AP1M2: variants seen among roughly 807,000 people sequenced by gnomAD.
The protein encoded by AP1M2 is adaptor related protein complex 1 subunit mu 2, also known as AP-1 complex subunit mu-2.
AP1M2 carries 41 observed loss-of-function variants against 54.6 expected under a neutral mutation model. That is an observed-to-expected ratio of 0.75 (90% confidence interval 0.59 to 0.97). The LOEUF (loss-of-function observed/expected upper bound fraction) is 0.97, where lower values mean the gene tolerates loss of function less well. AP1M2 is among the 50% of genes least tolerant of loss of function. AP1M2 has a pLI of 0.00. For synonymous variants in AP1M2, 219 were observed against 215.9 expected (o/e 1.01, Z -0.13); for missense variants, 507 against 561.2 (o/e 0.90, Z 0.98).
chr19:10,581,137 G>T, intron 6 of AP1M2, 129 bp downstream of exon 6: 1 of 1,334,616 alleles, frequency 7.5e-7, no homozygotes. Flanking sequence ...CTGCAATACT[G>T]GCCGTGATCA....
intron 7 of AP1M2, among the ~76,000 whole-genome samples, chr19:10,579,420 A>T (rs1212713677): frequency 1.3e-5 from 2 of 152,094 alleles, no homozygotes; most frequent in African/African-American, 2.4e-5. Context: ...CGTCTCAAAA[A>T]AATAATAATA....
In AP1M2 at chr19:10,581,869, C is replaced by T. The variant is rs772650211; in HGVS notation, c.277G>A (p.Glu93Lys). 1.9e-5 allele frequency: 31 copies of T among 1,610,944 alleles called. No homozygotes were observed. Among genetic ancestry groups the T allele is most frequent in the Non-Finnish European group, 2.5e-5 (29 of 1,178,756 alleles). ...FLYKTIEVFC[E>K]YFKELEEESI... ...TCCTCCTCCAGCTCCTTGAAGTATTCGCAGAATACCTGGGGGTTGGAGGAG... is the reference window on the plus strand; with the variant it reads ...TCCTCCTCCAGCTCCTTGAAGTATTTGCAGAATACCTGGGGGTTGGAGGAG... The change falls in exon 4 of 12, where the codon GAA (glutamate) becomes AAA (lysine). Residue 93 changes from glutamate (E) to lysine (K), a missense_variant. By Grantham distance (56) the Glu-to-Lys change is moderately conservative. Coordinates refer to ENST00000250244, the MANE Select transcript of AP1M2 (RefSeq NM_005498.5).
At chr19:10,585,303 G>GAAAGAA in intron 1 of AP1M2, among the ~76,000 whole-genome samples, 2 of 142,430 alleles carry the variant, frequency 1.4e-5, no homozygotes, top group Non-Finnish European at 3.1e-5. Context: ...AAGAAAGAAA[G>GAAAGAA]AAAGAAAGAA....
At chr19:10,573,536 G>A (rs1917125762) in intron 11 of AP1M2, among the ~76,000 whole-genome samples, 1 of 151,942 alleles carries the variant, frequency 6.6e-6, no homozygotes, top group Non-Finnish European at 1.5e-5. Flanking sequence ...CTAAACACAG[G>A]TACTGTAACC....
intron 3 of AP1M2, among the ~76,000 whole-genome samples, 197 bp from the exon 4 acceptor site, chr19:10,582,075 G>T (rs1475686222): frequency 6.6e-6 from 1 of 151,180 alleles, no homozygotes; most frequent in Non-Finnish European, 1.5e-5. Context: ...AGACAGTCTC[G>T]CACTGTCACC....
rs1176313174 is a variant in AP1M2 at position 10,577,252 on chromosome 19, G to A, written c.993C>T (p.Ser331=). The change falls in exon 9 of 12, where the codon AGC becomes AGT. Residue 331 remains serine (S), a synonymous_variant. Transcript: ENST00000250244. ...CGTTTCTCTCCGGCACATACTTGGCGCTGCCCACACTGGTCTTGAATCTGG... is the reference window on the plus strand; with the variant it reads ...CGTTTCTCTCCGGCACATACTTGGCACTGCCCACACTGGTCTTGAATCTGG... ...DSPRFKTSVG[S]AKYVPERNVV... 2 of 1,613,200 alleles carry A rather than the reference G, an allele frequency of 1.2e-6. No homozygotes were observed. Among genetic ancestry groups the A allele is most frequent in the African/African-American group, 1.3e-5 (1 of 74,936 alleles).
intron 7 of AP1M2, among the ~76,000 whole-genome samples, chr19:10,579,191 C>T (rs184478755): frequency 0.011 from 1,723 of 151,764 alleles, 11 homozygotes; most frequent in Non-Finnish European, 0.02. Flanking sequence ...CCAAGGTGGG[C>T]GGATCACGAG....
chr19:10,573,207 T>C (rs1389761392), intron 11 of AP1M2, 119 bp from the exon 12 acceptor site: 2 of 937,246 alleles, frequency 2.1e-6, no homozygotes, highest in Non-Finnish European at 3.3e-6. Context: ...TCACTTGAGG[T>C]CAGGGGTTCG....
chr19:10,587,185 C>T lies in AP1M2; in HGVS notation c.42+5G>A. On this transcript the variant is annotated splice_donor_5th_base_variant and intron_variant, in intron 1 of 11. Coordinates refer to ENST00000250244, the MANE Select transcript of AP1M2 (RefSeq NM_005498.5). Reference sequence around the variant, plus strand: ...CGTCTCCCAACTCCTCATGCCCAGCCTCACCTTGCCCTTAACGTCCAGAAT... The same window carrying T: ...CGTCTCCCAACTCCTCATGCCCAGCTTCACCTTGCCCTTAACGTCCAGAAT... The T allele has an allele frequency of 6.4e-7, 1 of 1,556,548 alleles. No homozygotes were observed. Among genetic ancestry groups the T allele is most frequent in the Non-Finnish European group, 8.7e-7 (1 of 1,149,926 alleles).
chr19:10,578,999 C>A, intron 7 of AP1M2, 36 bp from the exon 8 acceptor site: 1 of 1,352,062 alleles, frequency 7.4e-7, no homozygotes, highest in Non-Finnish European at 1.0e-6. Context: ...CTTGGAGACT[C>A]CATGTTGACT....
In AP1M2 at chr19:10,578,981, GGAGA is replaced by G; in HGVS notation, c.817-22_817-19del. The G allele has an allele frequency of 1.3e-6, 2 of 1,579,866 alleles. No individual in the cohort carries two copies. The highest frequency in any genetic ancestry group is 1.7e-6 in the Non-Finnish European group (2 of 1,158,664). On this transcript the variant is annotated intron_variant, in intron 7 of 11. Transcript: ENST00000250244. Reference sequence around the variant, plus strand: ...GGCTTGACCTGTGGGAAGAAGAAGGGGAGAGTTCTTGGAGACTCCATGTTGACTC... The same window carrying G: ...GGCTTGACCTGTGGGAAGAAGAAGGGGTTCTTGGAGACTCCATGTTGACTC...
intron 3 of AP1M2, among the ~76,000 whole-genome samples, chr19:10,582,672 C>G (rs1391260553): frequency 6.6e-6 from 1 of 151,046 alleles, no homozygotes; most frequent in Non-Finnish European, 1.5e-5. Flanking sequence ...CACTTGAACC[C>G]AGGAGGTAGA....
chr19:10,583,764 C>G, intron 2 of AP1M2, 91 bp from the exon 3 acceptor site: 1 of 1,496,770 alleles, frequency 6.7e-7, no homozygotes, highest in African/African-American at 1.4e-5. Flanking sequence ...TTGCCACCAC[C>G]CTCATCTCTA....
Position 10,572,764 on chromosome 19 carries a change from C to G in AP1M2, c.*302G>C. ...CTGTGAAGGAGGGACCCGCAACACC[C>G]GCTAAGGCAGGTAATTGCAAGAAGG... On this transcript the variant is annotated 3_prime_UTR_variant, in exon 12 of 12. Transcript: ENST00000250244. 5.9e-6 allele frequency: 2 copies of G among 339,912 alleles called. No individual in the cohort carries two copies. Among genetic ancestry groups the G allele is most frequent in the South Asian group, 9.5e-5 (2 of 20,988 alleles). 21.1% of individuals were successfully genotyped at this position (339,912 alleles called of 1,614,324 possible). A position where few individuals can be genotyped will look rare whatever the true frequency, so the allele number is the denominator to read the frequency against.
At chr19:10,586,468 A>T (rs955443673) in intron 1 of AP1M2, among the ~76,000 whole-genome samples, 5 of 150,594 alleles carry the variant, frequency 3.3e-5, no homozygotes, top group Non-Finnish European at 5.9e-5. Context: ...AAAAAAAAAA[A>T]AAAAAATTAA....
At chr19:10,580,224 T>C (rs978321691) in intron 6 of AP1M2, among the ~76,000 whole-genome samples, 5 of 152,062 alleles carry the variant, frequency 3.3e-5, no homozygotes, top group African/African-American at 9.7e-5. Context: ...GCTAATTTTG[T>C]ATTTTTAGTA....
In AP1M2 at chr19:10,581,483, T is replaced by TCA. The variant is rs1917456025; in HGVS notation, c.546+2_546+3dup. ...AGGGGTGCCGGGGAGGTGTGCAGGC[T>TCA]CACCAGCAGGTTGACAGACTCTATG... On this transcript the variant is annotated splice_donor_region_variant and intron_variant, in intron 5 of 11. Transcript: ENST00000250244. 3.7e-6 allele frequency: 6 copies of TCA among 1,613,738 alleles called. No individual in the cohort carries two copies. Among genetic ancestry groups the TCA allele is most frequent in the Non-Finnish European group, 4.2e-6 (5 of 1,179,696 alleles).
At position 10,574,930 on chromosome 19, in the gene AP1M2, G is replaced by A. The variant is rs1334733126; in HGVS notation, c.1147C>T (p.Pro383Ser). Residue 383 changes from proline (P) to serine (S), a missense_variant, in exon 10 of 12, where the codon CCC (proline) becomes TCC (serine). Coordinates refer to ENST00000250244, the MANE Select transcript of AP1M2 (RefSeq NM_005498.5). ...TGGATCCCAGAGACGGTGAAGTAGG[G>A]GATCTCAAACTTGACCCCGATGGGG... ...RPPIGVKFEI[P>S]YFTVSGIQVR... 2 of 1,603,672 alleles carry A rather than the reference G, an allele frequency of 1.2e-6. No homozygotes were observed. Among genetic ancestry groups the A allele is most frequent in the Admixed American group, 3.4e-5 (2 of 58,826 alleles).
Position 10,573,024 on chromosome 19 carries a change from T to A in AP1M2, c.*42A>T, listed in dbSNP as rs1351988478. On this transcript the variant is annotated 3_prime_UTR_variant, in exon 12 of 12. Transcript: ENST00000250244. ...TCCCTCTAAAATCTGCATCCGGGGC[T>A]GTAAGGAAGCCCCGTGTTCAAGCCC... 1 of 1,551,708 alleles carries A rather than the reference T, an allele frequency of 6.4e-7. No homozygotes were observed. The highest frequency in any genetic ancestry group is 8.7e-7 in the Non-Finnish European group (1 of 1,145,544).
Sources: allele counts gnomAD v4.1 joint callset (sites outside exome capture counted in the v4.1 genomes callset), GRCh38; gene constraint gnomAD v4.1.1; transcripts MANE v1.5; gene names NCBI Gene and HGNC (gene_info 2026-07-23, HGNC 2026-07-21).